PPARA: variants seen among roughly 807,000 people sequenced by gnomAD.
The protein encoded by PPARA is peroxisome proliferator activated receptor alpha, also known as peroxisome proliferator-activated receptor alpha.
A neutral mutation model predicts 42.2 loss-of-function variants in PPARA; 22 were observed. The observed-to-expected ratio is 0.52, with a 90% CI of 0.37 to 0.74. The LOEUF (loss-of-function observed/expected upper bound fraction) is 0.74. Among genes scored for constraint, PPARA ranks in the 30% least tolerant of loss-of-function variants. PPARA has a pLI of 0.00. For synonymous variants in PPARA, 242 were observed against 239.3 expected (o/e 1.01, Z -0.10); for missense variants, 465 against 608.2 (o/e 0.76, Z 2.48).
At chr22:46,178,258 C>T (rs1346930986) in intron 3 of PPARA, among the ~76,000 whole-genome samples, 1 of 152,186 alleles carries the variant, frequency 6.6e-6, no homozygotes, top group African/African-American at 2.4e-5. Context: ...CTGGCTGTGG[C>T]CTTGTAACCA....
rs1925389628 is a variant in PPARA at position 46,156,927 on chromosome 22, G to A, written c.-127+4957G>A. ...TCCTGTGTGTTTTGAAGGTGATTGTGACCTCAGGTTTTGGCAGGGCTATAC... is the reference window on the plus strand; with the variant it reads ...TCCTGTGTGTTTTGAAGGTGATTGTAACCTCAGGTTTTGGCAGGGCTATAC... On this transcript the variant is annotated intron_variant, in intron 2 of 8. Coordinates refer to ENST00000407236, the MANE Select transcript of PPARA (RefSeq NM_005036.6). The surrounding 1 kb of genome is among the most constrained non-coding windows in gnomAD (Gnocchi z 5.2). Among the ~76,000 whole-genome samples the A allele has an allele frequency of 6.6e-6, 1 of 152,114 alleles. No individual in the cohort carries two copies. The highest frequency in any genetic ancestry group is 1.5e-5 in the Non-Finnish European group (1 of 68,016).
chr22:46,195,808 G>A lies in PPARA; in HGVS notation c.-42-2534G>A, dbSNP rs981124360. Among the ~76,000 whole-genome samples, 1 of 152,188 alleles carries A rather than the reference G, an allele frequency of 6.6e-6. No homozygotes were observed. Among genetic ancestry groups the A allele is most frequent in the African/African-American group, 2.4e-5 (1 of 41,442 alleles). ...GGCTGGTAGCAGCACATACCCCCGAGCCTCTCCGTGGTGTGCGCCGTGGGC... is the reference window on the plus strand; with the variant it reads ...GGCTGGTAGCAGCACATACCCCCGAACCTCTCCGTGGTGTGCGCCGTGGGC... On this transcript the variant is annotated intron_variant, in intron 3 of 8. Transcript: ENST00000407236. The surrounding 1 kb of genome is among the most constrained non-coding windows in gnomAD (Gnocchi z 4.6).
In PPARA at chr22:46,239,087, G is replaced by A. The variant is rs1936298188; in HGVS notation, c.*3707G>A. On this transcript the variant is annotated 3_prime_UTR_variant, in exon 9 of 9. Transcript: ENST00000407236. ...AGAACTCAGCATTCAAGGATGCCCA[G>A]GAGAGCTGTCCCTGTTTTAAAGAGC... The A allele has an allele frequency of 6.6e-6, 1 of 152,368 alleles. No homozygotes were observed. Among genetic ancestry groups the A allele is most frequent in the South Asian group, 2.1e-4 (1 of 4,828 alleles). The allele number at this position is 152,368 out of a possible 1,614,324, so 9.4% of individuals were successfully genotyped here. A position where few individuals can be genotyped will look rare whatever the true frequency, so the allele number is the denominator to read the frequency against.
chr22:46,240,192 C>T lies in PPARA; in HGVS notation c.*4812C>T. The T allele has an allele frequency of 2.5e-6, 1 of 398,730 alleles. No homozygotes were observed. Among genetic ancestry groups the T allele is most frequent in the Non-Finnish European group, 4.4e-6 (1 of 226,158 alleles). 24.7% of individuals were successfully genotyped at this position (398,730 alleles called of 1,614,324 possible). A position where few individuals can be genotyped will look rare whatever the true frequency, so the allele number is the denominator to read the frequency against. ...GCCCACAGCTCACCACCTATGGATG[C>T]CATGGCTCTGGGCAGCTTTCAAAGC... On this transcript the variant is annotated 3_prime_UTR_variant, in exon 9 of 9. Transcript: ENST00000407236. The surrounding 1 kb of genome is among the most constrained non-coding windows in gnomAD (Gnocchi z 6.0).
chr22:46,185,952 T>C lies in PPARA; in HGVS notation c.-43+9116T>C, dbSNP rs1569207869. 2.3e-4 allele frequency among the ~76,000 whole-genome samples: 13 copies of C among 56,178 alleles called. 2 individuals carry two copies. Among genetic ancestry groups the C allele is most frequent in the African/African-American group, 6.4e-4 (10 of 15,628 alleles). 36.9% of individuals were successfully genotyped at this position (56,178 alleles called of 152,430 possible). The stretch of plus-strand genomic sequence containing the variant: ...ATATATATATATATATATATATATA[T>C]ATATATATATATACACACACACTAA... On this transcript the variant is annotated intron_variant, in intron 3 of 8. Coordinates refer to ENST00000407236, the MANE Select transcript of PPARA (RefSeq NM_005036.6).
chr22:46,176,184 G>A (rs1257107800), intron 2 of PPARA: 1 of 151,774 alleles, frequency 6.6e-6, no homozygotes, highest in Admixed American at 6.6e-5. Context: ...CAGATAGATA[G>A]GTAGAAATGT....
chr22:46,229,911 C>T (rs568344241), intron 7 of PPARA, among the ~76,000 whole-genome samples: 2 of 152,348 alleles, frequency 1.3e-5, no homozygotes, highest in East Asian at 1.9e-4. Context: ...GCACCTCCAC[C>T]GGTGCCCTGA....
At position 46,196,800 on chromosome 22, in the gene PPARA, G is replaced by A. The variant is rs1332681482; in HGVS notation, c.-42-1542G>A. Reference sequence around the variant, plus strand: ...TGCAGTGGTGCGACCTCAGCTCACCGCAACCTCCGCCTCCCATGTTCAAGC... The same window carrying A: ...TGCAGTGGTGCGACCTCAGCTCACCACAACCTCCGCCTCCCATGTTCAAGC... On this transcript the variant is annotated intron_variant, in intron 3 of 8. Coordinates refer to ENST00000407236, the MANE Select transcript of PPARA (RefSeq NM_005036.6). The surrounding 1 kb of genome is among the most constrained non-coding windows in gnomAD (Gnocchi z 5.6). 1.3e-5 allele frequency among the ~76,000 whole-genome samples: 2 copies of A among 152,160 alleles called. No homozygotes were observed. The highest frequency in any genetic ancestry group is 1.3e-4 in the Admixed American group (2 of 15,282).
rs1935818459 is a variant in PPARA, at chr22:46,230,866, C to T, written c.712-926C>T. Among the ~76,000 whole-genome samples, 1 of 152,206 alleles carries T rather than the reference C, an allele frequency of 6.6e-6. No homozygotes were observed. Among genetic ancestry groups the T allele is most frequent in the Admixed American group, 6.5e-5 (1 of 15,270 alleles). ...TATGTATTTACATGCCAAATGTATT[C>T]ATTGAGCAGCGTTAAATAATGGTGT... On this transcript the variant is annotated intron_variant, in intron 7 of 8. Transcript: ENST00000407236. This position sits in a 1 kb window ranked among gnomAD's most constrained non-coding sequence, Gnocchi z 5.0.
In PPARA at chr22:46,160,431, G is replaced by A. The variant is rs773044256; in HGVS notation, c.-127+8461G>A. Reference sequence around the variant, plus strand: ...CCTGCCTCAGCCTCCTACATAGCTGGTACTACAGGCACGCGCCACCATGCC... The same window carrying A: ...CCTGCCTCAGCCTCCTACATAGCTGATACTACAGGCACGCGCCACCATGCC... On this transcript the variant is annotated intron_variant, in intron 2 of 8. Transcript: ENST00000407236. The surrounding 1 kb of genome is among the most constrained non-coding windows in gnomAD (Gnocchi z 4.5). 8.6e-5 allele frequency among the ~76,000 whole-genome samples: 13 copies of A among 152,038 alleles called. No individual in the cohort carries two copies. Among genetic ancestry groups the A allele is most frequent in the Non-Finnish European group, 1.8e-4 (12 of 68,022 alleles).
intron 7 of PPARA, chr22:46,220,643 T>TTA: frequency 6.5e-6 from 1 of 153,094 alleles, no homozygotes; most frequent in East Asian, 1.9e-4. Context: ...TTAACTGGAT[T>TTA]TAAAAAAAAA....
In PPARA at chr22:46,222,031, C is replaced by A. The variant is rs1166101990; in HGVS notation, c.711+2017C>A. On this transcript the variant is annotated intron_variant, in intron 7 of 8. Transcript: ENST00000407236. This position sits in a 1 kb window ranked among gnomAD's most constrained non-coding sequence, Gnocchi z 5.9. ...GCTGGAGGTTGCAGTGAGCTGAGAT[C>A]GCACCACTGCACTCCAGCTTGGGCA... 6.6e-6 allele frequency among the ~76,000 whole-genome samples: 1 copy of A among 151,840 alleles called. No individual in the cohort carries two copies. Among genetic ancestry groups the A allele is most frequent in the Admixed American group, 6.6e-5 (1 of 15,248 alleles).
intron 3 of PPARA, among the ~76,000 whole-genome samples, chr22:46,194,656 C>G (rs1464486781): frequency 1.4e-5 from 2 of 145,294 alleles, no homozygotes; most frequent in African/African-American, 5.1e-5. Flanking sequence ...ATTGCAACTT[C>G]TACCTCCCAG....
chr22:46,216,863 G>A lies in PPARA; in HGVS notation c.370-1400G>A, dbSNP rs553448037. Among the ~76,000 whole-genome samples the A allele has an allele frequency of 1.3e-5, 2 of 152,316 alleles. No homozygotes were observed. Among genetic ancestry groups the A allele is most frequent in the South Asian group, 2.1e-4 (1 of 4,830 alleles). Reference sequence around the variant, plus strand: ...AGCGTCCCTTTAGGGTTGCACAGACGTGCTCAAGTCTGGCGCCTTATGTAC... The same window carrying A: ...AGCGTCCCTTTAGGGTTGCACAGACATGCTCAAGTCTGGCGCCTTATGTAC... On this transcript the variant is annotated intron_variant, in intron 5 of 8. Transcript: ENST00000407236. This position sits in a 1 kb window ranked among gnomAD's most constrained non-coding sequence, Gnocchi z 4.5.
rs1244043416 is a variant in PPARA, at chr22:46,237,831, T to C, written c.*2451T>C. The stretch of plus-strand genomic sequence containing the variant: ...ATTATTTCCTAAAATGAGAAGCCCC[T>C]GTGTCAACAAGATCCAGGGGCTGGA... On this transcript the variant is annotated 3_prime_UTR_variant, in exon 9 of 9. Transcript: ENST00000407236. This position sits in a 1 kb window ranked among gnomAD's most constrained non-coding sequence, Gnocchi z 6.7. 3 of 152,280 alleles carry C rather than the reference T, an allele frequency of 2.0e-5. No individual in the cohort carries two copies. The East Asian group carries it at 5.8e-4, about 29-fold the overall frequency. 9.4% of individuals were successfully genotyped at this position (152,280 alleles called of 1,614,324 possible). A position where few individuals can be genotyped will look rare whatever the true frequency, so the allele number is the denominator to read the frequency against.
At chr22:46,154,235 T>A (rs1924909206) in intron 2 of PPARA, among the ~76,000 whole-genome samples, 1 of 152,240 alleles carries the variant, frequency 6.6e-6, no homozygotes. Flanking sequence ...ATGAAGAACC[T>A]ATTTTTGCCG....
In PPARA at chr22:46,200,402, C is replaced by A. The variant is rs1396509269; in HGVS notation, c.208+1811C>A. ...GCAGCCTGTTGCTCCAAGGCACGCACCTGTACAGCGTGTTACTGTACTGAA... is the reference window on the plus strand; with the variant it reads ...GCAGCCTGTTGCTCCAAGGCACGCAACTGTACAGCGTGTTACTGTACTGAA... On this transcript the variant is annotated intron_variant, in intron 4 of 8. Transcript: ENST00000407236. This position sits in a 1 kb window ranked among gnomAD's most constrained non-coding sequence, Gnocchi z 4.8. 6.6e-6 allele frequency among the ~76,000 whole-genome samples: 1 copy of A among 152,254 alleles called. No individual in the cohort carries two copies. Among genetic ancestry groups the A allele is most frequent in the Non-Finnish European group, 1.5e-5 (1 of 68,044 alleles).
In PPARA at chr22:46,150,774, G is replaced by A. The variant is rs1924280751; in HGVS notation, c.-210+122G>A. Reference sequence around the variant, plus strand: ...GAGGGGCAGGGGCTGGGCGGCGCATGCGCGGGGCCCGGGGTCTCGGGGTCT... The same window carrying A: ...GAGGGGCAGGGGCTGGGCGGCGCATACGCGGGGCCCGGGGTCTCGGGGTCT... On this transcript the variant is annotated intron_variant, in intron 1 of 8. Coordinates refer to ENST00000407236, the MANE Select transcript of PPARA (RefSeq NM_005036.6). This position sits in a 1 kb window ranked among gnomAD's most constrained non-coding sequence, Gnocchi z 7.5. 6.6e-6 allele frequency: 1 copy of A among 150,768 alleles called. No individual in the cohort carries two copies. Among genetic ancestry groups the A allele is most frequent in the Non-Finnish European group, 1.5e-5 (1 of 67,590 alleles). The allele number at this position is 150,768 out of a possible 1,614,324, so 9.3% of individuals were successfully genotyped here.
In PPARA at chr22:46,203,815, G is replaced by C. The variant is rs562249169; in HGVS notation, c.208+5224G>C. The stretch of plus-strand genomic sequence containing the variant: ...GCCCAGGTGGGTCCCCGTCCCTTGC[G>C]GGCCTGTCCAGACAAGGGAACCCTG... On this transcript the variant is annotated intron_variant, in intron 4 of 8. Coordinates refer to ENST00000407236, the MANE Select transcript of PPARA (RefSeq NM_005036.6). This position sits in a 1 kb window ranked among gnomAD's most constrained non-coding sequence, Gnocchi z 5.8. Among the ~76,000 whole-genome samples the C allele has an allele frequency of 6.6e-6, 1 of 152,124 alleles. No homozygotes were observed. Among genetic ancestry groups the C allele is most frequent in the Non-Finnish European group, 1.5e-5 (1 of 68,018 alleles).
Sources: allele counts gnomAD v4.1 joint callset (sites outside exome capture counted in the v4.1 genomes callset), GRCh38; gene constraint gnomAD v4.1.1; non-coding constraint Gnocchi (gnomAD v3.1); transcripts MANE v1.5; gene names NCBI Gene and HGNC (gene_info 2026-07-23, HGNC 2026-07-21).